SBF2: variants seen among roughly 807,000 people sequenced by gnomAD.
The protein encoded by SBF2 is SET binding factor 2.
In SBF2, 112 loss-of-function variants were observed where a neutral mutation model predicts 225.2. The observed-to-expected ratio is 0.50, with a 90% CI of 0.43 to 0.58. The LOEUF is 0.58. Ranked by LOEUF, SBF2 falls within the 20% of genes least tolerant of loss-of-function variation. SBF2 has a pLI of 0.00. For missense variants in SBF2, 1,996 were observed against 2,206.2 expected, an observed-to-expected ratio of 0.90 and a Z score of 1.91; for synonymous variants, 763 against 773.3, an observed-to-expected ratio of 0.99 and a Z score of 0.22.
chr11:10,027,119 T>C (rs923065037), intron 6 of SBF2, among the ~76,000 whole-genome samples: 4 of 152,210 alleles, frequency 2.6e-5, no homozygotes, highest in Admixed American at 6.5e-5. Context: ...ATTCTCTTAA[T>C]GATGTTCAAG....
In SBF2 at chr11:10,031,132, C is replaced by A; in HGVS notation, c.318G>T (p.Val106=). 6 of 1,613,586 alleles carry A rather than the reference C, an allele frequency of 3.7e-6. No homozygotes were observed. The highest frequency in any genetic ancestry group is 5.1e-6 in the Non-Finnish European group (6 of 1,179,700). Residue 106 remains valine (V), a synonymous_variant, in exon 4 of 40, where the codon GTG becomes GTT. Coordinates refer to ENST00000256190, the MANE Select transcript of SBF2 (RefSeq NM_030962.4). ...CTTCTGCAGGCTGAATTAAACCAGA[C>A]ACTTTTGCTTCACCTTCAATCTCTT... ...KKEEIEGEAK[V]SGLIQPAEVF...
chr11:10,096,424 TAAA>T (rs563258126), intron 2 of SBF2, among the ~76,000 whole-genome samples: 1 of 126,074 alleles, frequency 7.9e-6, no homozygotes, highest in African/African-American at 3.0e-5. Context: ...CAAAGTTCTG[TAAA>T]AAAAAAAAAA....
chr11:10,238,278 G>A (rs747570162), intron 1 of SBF2, among the ~76,000 whole-genome samples: 31 of 151,972 alleles, frequency 2.0e-4, no homozygotes, highest in Non-Finnish European at 3.5e-4. Context: ...GTGTGGTGGC[G>A]CACACCGGCA....
In SBF2 at chr11:10,102,601, C is replaced by T. The variant is rs773665027; in HGVS notation, c.142-59620G>A. 2.1e-4 allele frequency among the ~76,000 whole-genome samples: 32 copies of T among 152,260 alleles called. No individual in the cohort carries two copies. The South Asian group carries it at 3.7e-3, about 18-fold the overall frequency. ...AACCTAAAAGAGTAATGGGACAAAA[C>T]TGAAAGTTTAAGCAGGTTGAAAAGG... On this transcript the variant is annotated intron_variant, in intron 2 of 39. Coordinates refer to ENST00000256190, the MANE Select transcript of SBF2 (RefSeq NM_030962.4).
intron 16 of SBF2, among the ~76,000 whole-genome samples, chr11:9,933,065 C>T (rs1864618945): frequency 6.6e-6 from 1 of 150,780 alleles, no homozygotes; most frequent in African/African-American, 2.5e-5. Flanking sequence ...ACAAAGAAGG[C>T]CATTACATAA....
At chr11:10,201,126 G>A (rs537680590) in intron 1 of SBF2, among the ~76,000 whole-genome samples, 1 of 152,262 alleles carries the variant, frequency 6.6e-6, no homozygotes, top group East Asian at 1.9e-4. Flanking sequence ...CAAACGCACA[G>A]CACTAGAAAA....
intron 13 of SBF2, among the ~76,000 whole-genome samples, chr11:9,977,985 A>G (rs1160002398): frequency 3.3e-5 from 5 of 152,234 alleles, no homozygotes; most frequent in Non-Finnish European, 7.3e-5. Flanking sequence ...GCAATAAAGT[A>G]TTTACAAACA....
At chr11:9,947,063 G>T (rs905191503) in intron 16 of SBF2, among the ~76,000 whole-genome samples, 1 of 152,146 alleles carries the variant, frequency 6.6e-6, no homozygotes. Flanking sequence ...GCATTAATAA[G>T]TTTTTTGCCA....
intron 2 of SBF2, among the ~76,000 whole-genome samples, chr11:10,082,297 A>T (rs1395693346): frequency 6.6e-6 from 1 of 152,208 alleles, no homozygotes; most frequent in Admixed American, 6.5e-5. Flanking sequence ...TCTACCAGAT[A>T]TACAAAGAAT....
chr11:9,989,474 T>C, intron 13 of SBF2, 23 bp downstream of exon 13: 1 of 1,385,780 alleles, frequency 7.2e-7, no homozygotes, highest in East Asian at 2.3e-5. Flanking sequence ...TTAATGACTG[T>C]CTAAATAAAT....
intron 2 of SBF2, among the ~76,000 whole-genome samples, chr11:10,145,224 C>T (rs1374596846): frequency 1.3e-5 from 2 of 152,174 alleles, no homozygotes; most frequent in Non-Finnish European, 2.9e-5. Context: ...CTAGGAGATT[C>T]AAAGGCTATG....
chr11:10,110,454 T>C (rs1313719031), intron 2 of SBF2, among the ~76,000 whole-genome samples: 1 of 152,156 alleles, frequency 6.6e-6, no homozygotes. Context: ...AAAGTATTCC[T>C]TCAGTTTTAA....
chr11:10,093,797 G>T (rs1345328983), intron 2 of SBF2, among the ~76,000 whole-genome samples: 1 of 152,194 alleles, frequency 6.6e-6, no homozygotes, highest in Non-Finnish European at 1.5e-5. Flanking sequence ...ATATTCTGTA[G>T]TGGAGCGAAA....
At chr11:10,217,404 T>A (rs1958170608) in intron 1 of SBF2, among the ~76,000 whole-genome samples, 1 of 152,152 alleles carries the variant, frequency 6.6e-6, no homozygotes, top group Non-Finnish European at 1.5e-5. Context: ...CTATTTTGTT[T>A]ACAAAAAACA....
intron 2 of SBF2, among the ~76,000 whole-genome samples, chr11:10,045,917 T>C (rs1300123931): frequency 6.6e-6 from 1 of 152,184 alleles, no homozygotes; most frequent in Non-Finnish European, 1.5e-5. Flanking sequence ...TCTGTATCTG[T>C]GGGTTCTACA....
intron 24 of SBF2, among the ~76,000 whole-genome samples, chr11:9,843,584 C>G (rs1856322684): frequency 6.6e-6 from 1 of 152,182 alleles, no homozygotes; most frequent in African/African-American, 2.4e-5. Context: ...TTATATTCTT[C>G]TCTATCACAA....
At chr11:9,918,445 C>G (rs1363155927) in intron 16 of SBF2, among the ~76,000 whole-genome samples, 1 of 151,720 alleles carries the variant, frequency 6.6e-6, no homozygotes, top group Non-Finnish European at 1.5e-5. Context: ...CTTGAACCTC[C>G]CAGGCTGAAG....
intron 2 of SBF2, 147 bp from the exon 3 acceptor site, chr11:10,043,128 T>C (rs999725006): frequency 1.3e-6 from 1 of 754,644 alleles, no homozygotes; most frequent in Non-Finnish European, 2.1e-6. Context: ...AAAAAGTTAA[T>C]GTACAGATTC....
chr11:10,033,030 A>T (rs564150533), intron 3 of SBF2, among the ~76,000 whole-genome samples: 1 of 152,338 alleles, frequency 6.6e-6, no homozygotes, highest in East Asian at 1.9e-4. Flanking sequence ...TAGTTTTTGT[A>T]TGTATGATAG....
Sources: allele counts gnomAD v4.1 joint callset (sites outside exome capture counted in the v4.1 genomes callset), GRCh38; gene constraint gnomAD v4.1.1; transcripts MANE v1.5; gene names NCBI Gene and HGNC (gene_info 2026-07-23, HGNC 2026-07-21).